Variants in GTF2F2 observed in about 807,000 individuals in gnomAD.
GTF2F2 encodes the protein ATP-dependent helicase GTF2F2.
In GTF2F2, 23 loss-of-function variants were observed where a neutral mutation model predicts 42.2. The observed-to-expected ratio is 0.55, with a 90% confidence interval of 0.39 to 0.77. GTF2F2 has a LOEUF of 0.77. GTF2F2 is among the 30% of genes least tolerant of loss of function. The pLI is 0.00. For missense variants in GTF2F2, 261 were observed against 287.2 expected (o/e 0.91, Z 0.66); for synonymous variants, 105 against 100.8 (o/e 1.04, Z -0.25).
At chr13:45,141,561 G>C (rs939278994) in intron 2 of GTF2F2, among the ~76,000 whole-genome samples, 1 of 152,068 alleles carries the variant, frequency 6.6e-6, no homozygotes, top group Non-Finnish European at 1.5e-5. Flanking sequence ...GGGTGAAGAC[G>C]GTGGGTAGTT....
chr13:45,198,229 A>G (rs561117759), intron 4 of GTF2F2, among the ~76,000 whole-genome samples: 27 of 152,350 alleles, frequency 1.8e-4, no homozygotes, highest in Non-Finnish European at 2.8e-4. Flanking sequence ...TCATTCCAGC[A>G]GGAATTCCCA....
At chr13:45,202,659 G>C (rs1460969340) in intron 4 of GTF2F2, among the ~76,000 whole-genome samples, 1 of 151,944 alleles carries the variant, frequency 6.6e-6, no homozygotes, top group Non-Finnish European at 1.5e-5. Context: ...ACTTATAAAT[G>C]TACGTTTAGT....
chr13:45,223,105 C>A (rs965965106), intron 5 of GTF2F2, among the ~76,000 whole-genome samples: 13 of 151,710 alleles, frequency 8.6e-5, no homozygotes, highest in African/African-American at 2.7e-4. Flanking sequence ...CCTATAGTCC[C>A]AGCTACGCCT....
At chr13:45,158,981 G>C (rs538806436) in intron 4 of GTF2F2, among the ~76,000 whole-genome samples, 1 of 152,308 alleles carries the variant, frequency 6.6e-6, no homozygotes, top group African/African-American at 2.4e-5. Context: ...TAAGACACTT[G>C]AGGTTCAGAA....
intron 5 of GTF2F2, among the ~76,000 whole-genome samples, chr13:45,228,595 C>G (rs909303115): frequency 4.0e-5 from 6 of 151,018 alleles, no homozygotes; most frequent in Non-Finnish European, 8.8e-5. Context: ...CTCCTCATCC[C>G]TTGGGTATTG....
At chr13:45,255,267 T>C (rs1036383975) in intron 6 of GTF2F2, among the ~76,000 whole-genome samples, 1 of 151,886 alleles carries the variant, frequency 6.6e-6, no homozygotes, top group Non-Finnish European at 1.5e-5. Context: ...GATATTTGAA[T>C]GGTTATTTTA....
intron 6 of GTF2F2, among the ~76,000 whole-genome samples, chr13:45,261,561 G>T (rs1477882133): frequency 6.6e-6 from 1 of 152,022 alleles, no homozygotes; most frequent in East Asian, 1.9e-4. Context: ...ATAGTCAGTT[G>T]CGCAGTGATC....
At chr13:45,125,004 C>T (rs949542158) in intron 1 of GTF2F2, among the ~76,000 whole-genome samples, 1 of 152,196 alleles carries the variant, frequency 6.6e-6, no homozygotes, top group African/African-American at 2.4e-5. Context: ...CACAGACAGG[C>T]AAGCGCTTGG....
At chr13:45,237,105 A>G (rs1186435703) in intron 5 of GTF2F2, among the ~76,000 whole-genome samples, 1 of 152,196 alleles carries the variant, frequency 6.6e-6, no homozygotes, top group Non-Finnish European at 1.5e-5. Flanking sequence ...ATTATACCTA[A>G]AGATCAGTGA....
At chr13:45,224,721 A>T (rs1874257634) in intron 5 of GTF2F2, among the ~76,000 whole-genome samples, 1 of 152,238 alleles carries the variant, frequency 6.6e-6, no homozygotes, top group Non-Finnish European at 1.5e-5. Context: ...GTGAAAGTGA[A>T]TTATGCAAGT....
intron 1 of GTF2F2, among the ~76,000 whole-genome samples, chr13:45,130,706 T>G (rs1266584736): frequency 6.6e-6 from 1 of 152,160 alleles, no homozygotes; most frequent in East Asian, 1.9e-4. Flanking sequence ...CCTGAGTGTT[T>G]GGAAGAATGG....
intron 5 of GTF2F2, among the ~76,000 whole-genome samples, chr13:45,213,074 A>ATTC (rs1301259592): frequency 7.6e-6 from 1 of 131,620 alleles, no homozygotes. Flanking sequence ...ATTTATTCTT[A>ATTC]TTCTTCTTCT....
At chr13:45,173,897 G>A (rs547931934) in intron 4 of GTF2F2, among the ~76,000 whole-genome samples, 3 of 152,248 alleles carry the variant, frequency 2.0e-5, no homozygotes, top group African/African-American at 7.2e-5. Flanking sequence ...GATTACAGGC[G>A]TGAGTCACCG....
At chr13:45,257,803 C>G (rs756153760) in intron 6 of GTF2F2, among the ~76,000 whole-genome samples, 2 of 152,108 alleles carry the variant, frequency 1.3e-5, no homozygotes, top group Non-Finnish European at 2.9e-5. Flanking sequence ...CTGTGCTAGT[C>G]GGTCGTTTTT....
rs534386701 is a variant in GTF2F2, at chr13:45,216,264, G to T, written c.386+8759G>T. On this transcript the variant is annotated intron_variant, in intron 5 of 7. Transcript: ENST00000340473. ...CTGGAATAATTTTAAAAACTCAAAG[G>T]TTATACATATATATGTATATTTCCT... is the stretch of plus-strand genomic sequence containing the variant. Among the ~76,000 whole-genome samples the T allele has an allele frequency of 1.1e-3, 164 of 152,144 alleles. 1 individual carries two copies. Among genetic ancestry groups the T allele is most frequent in the African/African-American group, 3.7e-3 (152 of 41,502 alleles).
At chr13:45,154,168 G>A (rs1486329868) in intron 4 of GTF2F2, among the ~76,000 whole-genome samples, 1 of 151,936 alleles carries the variant, frequency 6.6e-6, no homozygotes, top group African/African-American at 2.4e-5. Flanking sequence ...AACGTTTGAG[G>A]TAGAGAAACT....
intron 4 of GTF2F2, among the ~76,000 whole-genome samples, chr13:45,182,255 A>G (rs1010255155): frequency 2.6e-5 from 4 of 152,022 alleles, no homozygotes; most frequent in East Asian, 1.9e-4. Flanking sequence ...GGCTCAAGCA[A>G]TTCTCCTGCC....
chr13:45,161,150 T>C (rs1470089983), intron 4 of GTF2F2, among the ~76,000 whole-genome samples: 1 of 152,162 alleles, frequency 6.6e-6, no homozygotes, highest in Non-Finnish European at 1.5e-5. Context: ...CCTAGCACTT[T>C]AGTGTAGTAG....
chr13:45,244,540 A>C (rs1279196944), intron 5 of GTF2F2, among the ~76,000 whole-genome samples: 1 of 152,050 alleles, frequency 6.6e-6, no homozygotes, highest in South Asian at 2.1e-4. Context: ...GCTTAAACTT[A>C]CTCTTTAGAT....
Sources: gnomAD v4.1 joint callset for allele counts (sites outside exome capture counted in the v4.1 genomes callset) on GRCh38, gnomAD v4.1.1 for gene constraint, MANE v1.5 for transcripts, NCBI Gene and HGNC (gene_info 2026-07-23, HGNC 2026-07-21) for gene names.